The following TMEM121B variants were observed in gnomAD, a reference collection of about 807,000 sequenced individuals.
TMEM121B encodes cat eye syndrome chromosome region, candidate 6.
TMEM121B carries 14 observed loss-of-function variants against 25.1 expected under a neutral mutation model. The ratio of observed to expected loss-of-function variants is 0.56; its 90% CI spans 0.37 to 0.87. TMEM121B has a LOEUF of 0.87. Among genes scored for constraint, TMEM121B ranks in the 40% least tolerant of loss-of-function variants. TMEM121B has a pLI of 0.00. For missense variants in TMEM121B, 850 were observed against 854.6 expected, an observed-to-expected ratio of 0.99 and a Z score of 0.07; for synonymous variants, 458 against 420.9, an observed-to-expected ratio of 1.09 and a Z score of -1.08.
rs2061474292 is a variant in TMEM121B at position 17,117,264 on chromosome 22, A to T, written c.*2127T>A. Reference sequence around the variant, plus strand: ...GGGGCAGGGGAAGAAGGCAGAAAAAAATACCAATTAAGTGTGAAATCCAGC... The same window carrying T: ...GGGGCAGGGGAAGAAGGCAGAAAAATATACCAATTAAGTGTGAAATCCAGC... On this transcript the variant is annotated 3_prime_UTR_variant, in exon 1 of 1. Transcript: ENST00000331437. The T allele has an allele frequency of 7.0e-6, 1 of 143,620 alleles. No individual in the cohort carries two copies. The highest frequency in any genetic ancestry group is 6.8e-5 in the Admixed American group (1 of 14,668). 8.9% of individuals were successfully genotyped at this position (143,620 alleles called of 1,614,324 possible).
In TMEM121B at chr22:17,120,815, G is replaced by A. The variant is rs2061495871; in HGVS notation, c.313C>T (p.Pro105Ser). 6 of 1,246,148 alleles carry A rather than the reference G, an allele frequency of 4.8e-6. No individual in the cohort carries two copies. The highest frequency in any genetic ancestry group is 3.2e-5 in the South Asian group (1 of 31,354). The allele number at this position is 1,246,148 out of a possible 1,614,324, so 77.2% of individuals were successfully genotyped here. Residue 105 changes from proline to serine, a missense_variant, in exon 1 of 1, where the codon CCC (proline) becomes TCC (serine). Pro to Ser is a moderately conservative substitution (Grantham distance 74). Transcript: ENST00000331437. ...AAGGCGACAGGCGCGGGGCCGGCGGGGGCGCCCACCTGAGCCGGCGGCCCC... is the reference window on the plus strand; with the variant it reads ...AAGGCGACAGGCGCGGGGCCGGCGGAGGCGCCCACCTGAGCCGGCGGCCCC... ...LLGPPAQVGA[P>S]AGPAPVAFSS...
At position 17,120,500 on chromosome 22, in the gene TMEM121B, CCAG is replaced by C. The variant is rs1326378297; in HGVS notation, c.625_627del (p.Leu209del). On this transcript the variant is annotated inframe_deletion, in exon 1 of 1. Transcript: ENST00000331437. ...TACAGGTCCAGCAGGCCGCCCTGCG[CCAG>C]CAGCAGCACCACGGACAGCGCCTGG... 1.3e-6 allele frequency: 2 copies of C among 1,581,644 alleles called. No individual in the cohort carries two copies. The highest frequency in any genetic ancestry group is 1.7e-6 in the Non-Finnish European group (2 of 1,168,868).
Position 17,118,825 on chromosome 22 carries a change from G to A in TMEM121B, c.*566C>T, listed in dbSNP as rs2061481437. 1 of 152,868 alleles carries A rather than the reference G, an allele frequency of 6.5e-6. No individual in the cohort carries two copies. The highest frequency in any genetic ancestry group is 1.5e-5 in the Non-Finnish European group (1 of 68,158). 9.5% of individuals were successfully genotyped at this position (152,868 alleles called of 1,614,324 possible). On this transcript the variant is annotated 3_prime_UTR_variant, in exon 1 of 1. Coordinates refer to ENST00000331437, the MANE Select transcript of TMEM121B (RefSeq NM_031890.4). ...GCAGAAAAGAGGAGGGTGGTGATAA[G>A]TATGGTGTAGGGGGCAGGGCCTCCC...
In TMEM121B at chr22:17,119,565, C is replaced by T; in HGVS notation, c.1563G>A (p.Arg521=). 1.3e-6 allele frequency: 2 copies of T among 1,551,600 alleles called. No homozygotes were observed. Among genetic ancestry groups the T allele is most frequent in the South Asian group, 2.4e-5 (2 of 84,594 alleles). Residue 521 remains arginine (R), a synonymous_variant, in exon 1 of 1, where the codon CGG becomes CGA. Transcript: ENST00000331437. ...GLEALEGCWD[R]GNRASPSRAR... ...CCCGACTCGGGGAGGCCCGATTGCC[C>T]CGGTCCCAGCAGCCCTCCAGGGCCT...
Position 17,117,776 on chromosome 22 carries a change from T to TACCTTCA in TMEM121B, c.*1608_*1614dup, listed in dbSNP as rs1373975445. On this transcript the variant is annotated 3_prime_UTR_variant, in exon 1 of 1. Coordinates refer to ENST00000331437, the MANE Select transcript of TMEM121B (RefSeq NM_031890.4). The stretch of plus-strand genomic sequence containing the variant: ...CTCAAAAGAATGTGAGAGCTGAAAT[T>TACCTTCA]ACCTTCAACCTTAGAGATCACTCAT... 6.6e-6 allele frequency: 1 copy of TACCTTCA among 152,188 alleles called. No individual in the cohort carries two copies. Among genetic ancestry groups the TACCTTCA allele is most frequent in the Non-Finnish European group, 1.5e-5 (1 of 68,028 alleles). The allele number at this position is 152,188 out of a possible 1,614,324, so 9.4% of individuals were successfully genotyped here. A position where few individuals can be genotyped will look rare whatever the true frequency, so the allele number is the denominator to read the frequency against.
rs570395774 is a variant in TMEM121B, at chr22:17,118,697, C to G, written c.*694G>C. The G allele has an allele frequency of 2.0e-5, 3 of 152,610 alleles. No homozygotes were observed. The South Asian group carries it at 6.2e-4, about 32-fold the overall frequency. 9.5% of individuals were successfully genotyped at this position (152,610 alleles called of 1,614,324 possible). On this transcript the variant is annotated 3_prime_UTR_variant, in exon 1 of 1. Coordinates refer to ENST00000331437, the MANE Select transcript of TMEM121B (RefSeq NM_031890.4). ...TCTCCCTGAGCTGAGAAGAGAGGAG[C>G]AGTATTGAGGAAGATCCTGGGTGAG... is the stretch of plus-strand genomic sequence containing the variant.
Position 17,121,037 on chromosome 22 carries a change from A to G in TMEM121B, c.91T>C (p.Phe31Leu). ...PPAAARLQPL[F>L]LRGGSFRGRR... is the part of the protein sequence containing the mutation. ...CCGCGGAAGGAGCCCCCGCGGAGGA[A>G]GAGGGGCTGCAGCCGGGCGGCTGCC... is the stretch of plus-strand genomic sequence containing the variant. The change falls in exon 1 of 1, where the codon TTC (phenylalanine) becomes CTC (leucine). Residue 31 changes from phenylalanine to leucine, a missense_variant. Coordinates refer to ENST00000331437, the MANE Select transcript of TMEM121B (RefSeq NM_031890.4). 1 of 1,465,762 alleles carries G rather than the reference A, an allele frequency of 6.8e-7. No homozygotes were observed. Among genetic ancestry groups the G allele is most frequent in the Non-Finnish European group, 9.0e-7 (1 of 1,110,542 alleles). 90.8% of individuals were successfully genotyped at this position (1,465,762 alleles called of 1,614,324 possible). A position where few individuals can be genotyped will look rare whatever the true frequency, so the allele number is the denominator to read the frequency against.
At position 17,120,203 on chromosome 22, in the gene TMEM121B, C is replaced by T; in HGVS notation, c.925G>A (p.Gly309Ser). Residue 309 changes from glycine (G) to serine (S), a missense_variant, in exon 1 of 1, where the codon GGC (glycine) becomes AGC (serine). By Grantham distance (56) the Gly-to-Ser change is moderately conservative. Coordinates refer to ENST00000331437, the MANE Select transcript of TMEM121B (RefSeq NM_031890.4). ...GCCAGGTAGGCGAAGGCGAACTCGC[C>T]CGCTGCCGCGGCCGCCCCCAGGCCG... ...GGGLGAAAAA[G>S]EFAFAYLAWL... The T allele has an allele frequency of 6.7e-7, 1 of 1,493,378 alleles. No homozygotes were observed. The highest frequency in any genetic ancestry group is 1.4e-5 in the South Asian group (1 of 72,442). 92.5% of individuals were successfully genotyped at this position (1,493,378 alleles called of 1,614,324 possible).
At position 17,120,538 on chromosome 22, in the gene TMEM121B, C is replaced by G; in HGVS notation, c.590G>C (p.Arg197Pro). The stretch of plus-strand genomic sequence containing the variant: ...CACGGACAGCGCCTGGTAGCCCCAG[C>G]GGCACCTGGGACTGGGGGCGCAGCC... ...RRGCAPSPRC[R>P]WGYQALSVVL... The change falls in exon 1 of 1, where the codon CGC (arginine) becomes CCC (proline). Residue 197 changes from arginine to proline, a missense_variant. Physicochemically the swap from Arg to Pro is moderately radical, Grantham distance 103 (BLOSUM62 -2). Transcript: ENST00000331437. 1.3e-6 allele frequency: 2 copies of G among 1,542,508 alleles called. No individual in the cohort carries two copies. Among genetic ancestry groups the G allele is most frequent in the South Asian group, 1.2e-5 (1 of 84,702 alleles).
rs560889791 is a variant in TMEM121B, at chr22:17,120,941, C to A, written c.187G>T (p.Gly63Trp). 1.7e-3 allele frequency: 2,402 copies of A among 1,412,488 alleles called. 5 individuals carry two copies. Among genetic ancestry groups the A allele is most frequent in the Non-Finnish European group, 2.1e-3 (2,300 of 1,085,006 alleles). 87.5% of individuals were successfully genotyped at this position (1,412,488 alleles called of 1,614,324 possible). ...SRGGGGGRRG[G>W]GGGSPSSSTG... ...CTGCTGCTCGGGGAGCCGCCGCCCCCGCCGCGTCTGCCGCCGCCTCCCCCG... is the reference window on the plus strand; with the variant it reads ...CTGCTGCTCGGGGAGCCGCCGCCCCAGCCGCGTCTGCCGCCGCCTCCCCCG... The change falls in exon 1 of 1, where the codon GGG becomes TGG. Residue 63 changes from glycine (G) to tryptophan (W), a missense_variant. Gly to Trp is a radical substitution (Grantham distance 184, BLOSUM62 -2). Coordinates refer to ENST00000331437, the MANE Select transcript of TMEM121B (RefSeq NM_031890.4).
rs752161859 is a variant in TMEM121B at position 17,119,931 on chromosome 22, C to T, written c.1197G>A (p.Thr399=). ...RHRAAGCFLG[T]CLDLLDSFTL... is the part of the protein sequence containing the mutation. Reference sequence around the variant, plus strand: ...TGAAGCTGTCGAGCAGGTCCAAGCACGTGCCCAGGAAGCATCCGGCCGCGC... The same window carrying T: ...TGAAGCTGTCGAGCAGGTCCAAGCATGTGCCCAGGAAGCATCCGGCCGCGC... Residue 399 remains threonine (T), a synonymous_variant, in exon 1 of 1, where the codon ACG becomes ACA. Coordinates refer to ENST00000331437, the MANE Select transcript of TMEM121B (RefSeq NM_031890.4). 3.1e-5 allele frequency: 49 copies of T among 1,570,940 alleles called. No individual in the cohort carries two copies. The highest frequency in any genetic ancestry group is 4.0e-5 in the Non-Finnish European group (47 of 1,164,406).
chr22:17,121,087 G>A lies in TMEM121B; in HGVS notation c.41C>T (p.Ala14Val), dbSNP rs927385256. The change falls in exon 1 of 1, where the codon GCG (alanine) becomes GTG (valine). Residue 14 changes from alanine (A) to valine (V), a missense_variant. Physicochemically the swap from Ala to Val is moderately conservative, Grantham distance 64. Coordinates refer to ENST00000331437, the MANE Select transcript of TMEM121B (RefSeq NM_031890.4). ...ALGHPRSVSS[A>V]SGSFPPPPAA... ...CGGGGGCGGCGGGAAGGAACCGGAC[G>A]CGGAGGAGACCGAGCGAGGGTGGCC... 1.2e-5 allele frequency: 18 copies of A among 1,441,240 alleles called. No homozygotes were observed. The highest frequency in any genetic ancestry group is 4.8e-5 in the Admixed American group (2 of 41,300). The allele number at this position is 1,441,240 out of a possible 1,614,324, so 89.3% of individuals were successfully genotyped here. A position where few individuals can be genotyped will look rare whatever the true frequency, so the allele number is the denominator to read the frequency against.
In TMEM121B at chr22:17,119,922, G is replaced by A; in HGVS notation, c.1206C>T (p.Asp402=). 6.4e-7 allele frequency: 1 copy of A among 1,569,052 alleles called. No individual in the cohort carries two copies. Among genetic ancestry groups the A allele is most frequent in the Non-Finnish European group, 8.6e-7 (1 of 1,163,492 alleles). The change falls in exon 1 of 1, where the codon GAC becomes GAT. Residue 402 remains aspartate (D), a synonymous_variant. Transcript: ENST00000331437. ...AAGCFLGTCL[D]LLDSFTLVEL... ...CCACCAGCGTGAAGCTGTCGAGCAG[G>A]TCCAAGCACGTGCCCAGGAAGCATC...
rs2061470297 is a variant in TMEM121B, at chr22:17,116,474, AAC to A, written c.*2915_*2916del. 1 of 152,300 alleles carries A rather than the reference AAC, an allele frequency of 6.6e-6. No individual in the cohort carries two copies. The highest frequency in any genetic ancestry group is 1.5e-5 in the Non-Finnish European group (1 of 68,046). 9.4% of individuals were successfully genotyped at this position (152,300 alleles called of 1,614,324 possible). A position where few individuals can be genotyped will look rare whatever the true frequency, so the allele number is the denominator to read the frequency against. On this transcript the variant is annotated 3_prime_UTR_variant, in exon 1 of 1. Transcript: ENST00000331437. Reference sequence around the variant, plus strand: ...GCAGAATCAGGACATGTTAAAATGGAACAGTCTTTAGAGAGGGTCTAGTCTTT... The same window carrying A: ...GCAGAATCAGGACATGTTAAAATGGAAGTCTTTAGAGAGGGTCTAGTCTTT...
Position 17,121,051 on chromosome 22 carries a change from C to A in TMEM121B, c.77G>T (p.Arg26Leu). The A allele has an allele frequency of 6.9e-7, 1 of 1,458,038 alleles. No individual in the cohort carries two copies. The highest frequency in any genetic ancestry group is 9.0e-7 in the Non-Finnish European group (1 of 1,107,056). 90.3% of individuals were successfully genotyped at this position (1,458,038 alleles called of 1,614,324 possible). ...GSFPPPPAAARLQPLFLRGGS... is the reference protein window; with the variant it reads ...GSFPPPPAAALLQPLFLRGGS... ...CCCGCGGAGGAAGAGGGGCTGCAGC[C>A]GGGCGGCTGCCGGGGGCGGCGGGAA... Residue 26 changes from arginine to leucine, a missense_variant, in exon 1 of 1, where the codon CGG (arginine) becomes CTG (leucine). By Grantham distance (102) the Arg-to-Leu change is moderately radical. Coordinates refer to ENST00000331437, the MANE Select transcript of TMEM121B (RefSeq NM_031890.4).
At position 17,117,138 on chromosome 22, in the gene TMEM121B, TGGA is replaced by T; in HGVS notation, c.*2250_*2252del. On this transcript the variant is annotated 3_prime_UTR_variant, in exon 1 of 1. Transcript: ENST00000331437. ...AGGTAGCAGAGAAACACAGCAAAGC[TGGA>T]GAGAGGACATGGGAACAGCGAGCAG... 6.5e-6 allele frequency: 1 copy of T among 152,712 alleles called. No homozygotes were observed. The allele number at this position is 152,712 out of a possible 1,614,324, so 9.5% of individuals were successfully genotyped here.
In TMEM121B at chr22:17,120,924, C is replaced by A; in HGVS notation, c.204G>T (p.Pro68=). ...CGCGCTCGGCGCCCGTGCTGCTGCT[C>A]GGGGAGCCGCCGCCCCCGCCGCGTC... is the stretch of plus-strand genomic sequence containing the variant. ...GGRRGGGGGS[P]SSSTGAERED... is the part of the protein sequence containing the mutation. Residue 68 remains proline (P), a synonymous_variant, in exon 1 of 1, where the codon CCG becomes CCT. Coordinates refer to ENST00000331437, the MANE Select transcript of TMEM121B (RefSeq NM_031890.4). The A allele has an allele frequency of 1.4e-6, 2 of 1,405,428 alleles. No individual in the cohort carries two copies. Among genetic ancestry groups the A allele is most frequent in the Non-Finnish European group, 1.8e-6 (2 of 1,081,548 alleles). The allele number at this position is 1,405,428 out of a possible 1,614,324, so 87.1% of individuals were successfully genotyped here. A position where few individuals can be genotyped will look rare whatever the true frequency, so the allele number is the denominator to read the frequency against.
rs1258697983 is a variant in TMEM121B, at chr22:17,119,267, G to A, written c.*124C>T. The A allele has an allele frequency of 7.6e-6, 11 of 1,445,048 alleles. No individual in the cohort carries two copies. In the East Asian group the frequency reaches 2.2e-4, roughly 29 times the overall value. The allele number at this position is 1,445,048 out of a possible 1,614,324, so 89.5% of individuals were successfully genotyped here. On this transcript the variant is annotated 3_prime_UTR_variant, in exon 1 of 1. Coordinates refer to ENST00000331437, the MANE Select transcript of TMEM121B (RefSeq NM_031890.4). Reference sequence around the variant, plus strand: ...CCCCAGGGTGCAGAAGAACACCCTGGCCCTTAGCCCTGAAAAGGGTTACCT... The same window carrying A: ...CCCCAGGGTGCAGAAGAACACCCTGACCCTTAGCCCTGAAAAGGGTTACCT...
chr22:17,117,083 A>T lies in TMEM121B; in HGVS notation c.*2308T>A, dbSNP rs2061473323. The T allele has an allele frequency of 6.5e-6, 1 of 152,714 alleles. No individual in the cohort carries two copies. The highest frequency in any genetic ancestry group is 1.5e-5 in the Non-Finnish European group (1 of 68,096). The allele number at this position is 152,714 out of a possible 1,614,324, so 9.5% of individuals were successfully genotyped here. On this transcript the variant is annotated 3_prime_UTR_variant, in exon 1 of 1. Transcript: ENST00000331437. ...CAGCCAGCGGCTGGCCATGGCTCAGACACAATGTCCTTTCACAGTCACTGA... is the reference window on the plus strand; with the variant it reads ...CAGCCAGCGGCTGGCCATGGCTCAGTCACAATGTCCTTTCACAGTCACTGA...
Sources: gnomAD v4.1 joint callset for allele counts on GRCh38, gnomAD v4.1.1 for gene constraint, MANE v1.5 for transcripts, NCBI Gene and HGNC (gene_info 2026-07-23, HGNC 2026-07-21) for gene names.